The following SCHIP1 variants were observed in gnomAD, a reference collection of about 807,000 sequenced individuals.
SCHIP1 encodes schwannomin interacting protein 1.
In SCHIP1, 8 loss-of-function variants were observed where a neutral mutation model predicts 29.7. That is an observed-to-expected ratio of 0.27 (90% CI 0.16 to 0.49). SCHIP1 has a LOEUF of 0.49. Ranked by LOEUF, SCHIP1 falls within the 20% of genes least tolerant of loss-of-function variation. The pLI is 0.99. For synonymous variants in SCHIP1, 76 were observed against 94.9 expected, an observed-to-expected ratio of 0.80 and a Z score of 1.16; for missense variants, 193 against 294.6, an observed-to-expected ratio of 0.66 and a Z score of 2.52.
the SCHIP1 span, among the ~76,000 whole-genome samples, chr3:159,537,604 C>A: frequency 2.6e-5 from 4 of 152,124 alleles, no homozygotes; most frequent in African/African-American, 9.7e-5. Flanking sequence ...AGAGATCGGT[C>A]CTCTGACCCT....
At chr3:159,728,769 A>G in the SCHIP1 span, among the ~76,000 whole-genome samples, 1 of 152,196 alleles carries the variant, frequency 6.6e-6, no homozygotes, top group South Asian at 2.1e-4. Context: ...GGATCCCTGG[A>G]GAAATAGTGG....
intron 3 of SCHIP1, 65 bp from the exon 5 acceptor site, chr3:159,887,643 C>T (rs1267825227): frequency 6.3e-7 from 1 of 1,582,500 alleles, no homozygotes; most frequent in Non-Finnish European, 8.7e-7. Context: ...ATGTTGTAGC[C>T]CATCTCTAAG....
At chr3:159,588,076 G>A in the SCHIP1 span, among the ~76,000 whole-genome samples, 1 of 152,192 alleles carries the variant, frequency 6.6e-6, no homozygotes, top group Non-Finnish European at 1.5e-5. Flanking sequence ...CCAGTTTACA[G>A]TACCACCAAC....
At chr3:159,389,751 T>C in the SCHIP1 span, among the ~76,000 whole-genome samples, 27 of 152,054 alleles carry the variant, frequency 1.8e-4, no homozygotes, top group Non-Finnish European at 3.7e-4. Flanking sequence ...GGTTTCTGGA[T>C]ATTCTTCCAA....
the SCHIP1 span, among the ~76,000 whole-genome samples, chr3:159,582,610 G>T: frequency 1.3e-5 from 2 of 151,978 alleles, no homozygotes; most frequent in African/African-American, 4.8e-5. Flanking sequence ...AAGATATAAT[G>T]CTATTGCACA....
At chr3:159,540,488 G>A in the SCHIP1 span, among the ~76,000 whole-genome samples, 2 of 152,132 alleles carry the variant, frequency 1.3e-5, no homozygotes, top group South Asian at 2.1e-4. Context: ...GTCCCGAGGG[G>A]AGCAAATCTG....
At chr3:159,578,484 ATT>A in the SCHIP1 span, among the ~76,000 whole-genome samples, 6 of 152,260 alleles carry the variant, frequency 3.9e-5, no homozygotes, top group Admixed American at 1.3e-4. Context: ...TGTGGCTCAA[ATT>A]TTGTTTCTCT....
chr3:159,609,800 T>C, the SCHIP1 span, among the ~76,000 whole-genome samples: 1 of 152,120 alleles, frequency 6.6e-6, no homozygotes, highest in Non-Finnish European at 1.5e-5. Flanking sequence ...TTTAGGTATT[T>C]TTTTTTTACA....
the SCHIP1 span, among the ~76,000 whole-genome samples, chr3:159,300,852 T>C: frequency 1.3e-5 from 2 of 152,328 alleles, no homozygotes; most frequent in African/African-American, 4.8e-5. Flanking sequence ...TCATACTCAA[T>C]GGAAAAACCA....
At chr3:159,621,959 C>T in the SCHIP1 span, among the ~76,000 whole-genome samples, 1 of 152,214 alleles carries the variant, frequency 6.6e-6, no homozygotes, top group South Asian at 2.1e-4. Context: ...AGCCACTGTG[C>T]TCAGCCCTGC....
chr3:159,689,581 A>AC, the SCHIP1 span, among the ~76,000 whole-genome samples: 4,651 of 152,120 alleles, frequency 0.031, 110 homozygotes, highest in African/African-American at 0.057. Flanking sequence ...CTATTTGAAT[A>AC]CCTTTATTTC....
chr3:159,558,674 C>G, the SCHIP1 span, among the ~76,000 whole-genome samples: 1 of 152,328 alleles, frequency 6.6e-6, no homozygotes, highest in South Asian at 2.1e-4. Context: ...TTTGCTCACA[C>G]CAGAGTCTCA....
At chr3:159,619,487 G>A in the SCHIP1 span, among the ~76,000 whole-genome samples, 6 of 152,342 alleles carry the variant, frequency 3.9e-5, no homozygotes, top group African/African-American at 1.4e-4. Context: ...ACCAGCATCA[G>A]TGGGCTTAAA....
chr3:159,442,867 G>C, the SCHIP1 span, among the ~76,000 whole-genome samples: 3 of 152,182 alleles, frequency 2.0e-5, no homozygotes, highest in Non-Finnish European at 4.4e-5. Context: ...AATATCCCTT[G>C]CTTAGACAGT....
the SCHIP1 span, among the ~76,000 whole-genome samples, chr3:159,592,960 T>A: frequency 1.3e-5 from 2 of 152,262 alleles, no homozygotes; most frequent in South Asian, 2.1e-4. Flanking sequence ...ATCGAGCATC[T>A]GTTATGCAGA....
the SCHIP1 span, among the ~76,000 whole-genome samples, chr3:159,655,280 A>G: frequency 6.6e-6 from 1 of 152,346 alleles, no homozygotes; most frequent in Non-Finnish European, 1.5e-5. Flanking sequence ...TAAGTATGAA[A>G]TGAAAGCCTG....
At chr3:159,475,229 A>G in the SCHIP1 span, among the ~76,000 whole-genome samples, 7 of 152,328 alleles carry the variant, frequency 4.6e-5, no homozygotes, top group Admixed American at 1.3e-4. Flanking sequence ...ATACAATGAA[A>G]TATCATTCAG....
At chr3:159,641,640 A>C in the SCHIP1 span, among the ~76,000 whole-genome samples, 22,852 of 152,160 alleles carry the variant, frequency 0.15, 4,714 homozygotes, top group African/African-American at 0.47. Flanking sequence ...GCATAGATTA[A>C]AGAACGAATG....
At chr3:159,548,889 T>C in the SCHIP1 span, among the ~76,000 whole-genome samples, 2 of 152,174 alleles carry the variant, frequency 1.3e-5, no homozygotes, top group Non-Finnish European at 2.9e-5. Context: ...TTAGTCACCA[T>C]TGATTTTCTT....
Sources: gnomAD v4.1 joint callset for allele counts (sites outside exome capture counted in the v4.1 genomes callset) on GRCh38, gnomAD v4.1.1 for gene constraint, MANE v1.5 for transcripts, NCBI Gene and HGNC (gene_info 2026-07-23, HGNC 2026-07-21) for gene names.